Variants in PABPC4L observed in about 807,000 individuals in gnomAD.
The protein encoded by PABPC4L is polyadenylate-binding protein 4-like.
For synonymous variants in PABPC4L, 169 were observed against 164.1 expected, an observed-to-expected ratio of 1.03 and a Z score of -0.23; for missense variants, 452 against 451.4, an observed-to-expected ratio of 1.00 and a Z score of -0.01.
chr4:134,021,674 A>T, the PABPC4L span, among the ~76,000 whole-genome samples: 1 of 152,146 alleles, frequency 6.6e-6, no homozygotes, highest in African/African-American at 2.4e-5. Context: ...TAATCCAAAT[A>T]GTCTGCTCCT....
chr4:134,014,414 C>T, the PABPC4L span, among the ~76,000 whole-genome samples: 3 of 152,300 alleles, frequency 2.0e-5, no homozygotes, highest in South Asian at 2.1e-4. Context: ...GCCAGGTGTT[C>T]CTCCAGAACT....
chr4:134,063,766 A>G, the PABPC4L span, among the ~76,000 whole-genome samples: 1 of 152,086 alleles, frequency 6.6e-6, no homozygotes, highest in Non-Finnish European at 1.5e-5. Context: ...TATAAATACT[A>G]TAACCAGACC....
At chr4:134,193,037 A>C (rs1729555697), downstream of PABPC4L, among the ~76,000 whole-genome samples, 1 of 152,100 alleles carries the variant, frequency 6.6e-6, no homozygotes, top group Admixed American at 6.6e-5. Context: ...TCTAAATAAT[A>C]AAAAATTACC....
chr4:133,975,848 G>A, the PABPC4L span, among the ~76,000 whole-genome samples: 3 of 152,050 alleles, frequency 2.0e-5, no homozygotes, highest in African/African-American at 7.2e-5. Context: ...CTTGAATCCT[G>A]ATATAAAAAT....
the PABPC4L span, among the ~76,000 whole-genome samples, chr4:133,967,899 G>A: frequency 1.3e-5 from 2 of 152,264 alleles, no homozygotes; most frequent in Non-Finnish European, 2.9e-5. Flanking sequence ...TTAGTCTTAT[G>A]AAATATGAAA....
chr4:134,122,184 A>C, the PABPC4L span, among the ~76,000 whole-genome samples: 16 of 151,944 alleles, frequency 1.1e-4, no homozygotes, highest in African/African-American at 3.9e-4. Context: ...AGATTAATTC[A>C]GAAACAGCAA....
At chr4:134,173,987 A>G in the PABPC4L span, among the ~76,000 whole-genome samples, 1 of 152,144 alleles carries the variant, frequency 6.6e-6, no homozygotes, top group African/African-American at 2.4e-5. Flanking sequence ...CACATTGTAC[A>G]GAATATTTAG....
chr4:133,987,540 TA>T, the PABPC4L span, among the ~76,000 whole-genome samples: 1 of 152,186 alleles, frequency 6.6e-6, no homozygotes, highest in South Asian at 2.1e-4. Flanking sequence ...AAAATATAAA[TA>T]AAAATAATAT....
the PABPC4L span, among the ~76,000 whole-genome samples, chr4:134,038,507 T>C: frequency 6.6e-6 from 1 of 152,286 alleles, no homozygotes; most frequent in South Asian, 2.1e-4. Context: ...GAACTTGTTA[T>C]TGGTCTATTT....
At chr4:134,073,091 C>T in the PABPC4L span, among the ~76,000 whole-genome samples, 1 of 152,114 alleles carries the variant, frequency 6.6e-6, no homozygotes, top group African/African-American at 2.4e-5. Flanking sequence ...TCCAACATTC[C>T]CCCAAAGTCT....
the PABPC4L span, among the ~76,000 whole-genome samples, chr4:134,077,895 A>G: frequency 6.6e-6 from 1 of 152,166 alleles, no homozygotes; most frequent in Non-Finnish European, 1.5e-5. Context: ...ATTTATCTTT[A>G]ACTAAATTAC....
chr4:133,951,189 C>G, the PABPC4L span, among the ~76,000 whole-genome samples: 6 of 152,112 alleles, frequency 3.9e-5, no homozygotes, highest in African/African-American at 1.4e-4. Context: ...CCACAAGCAG[C>G]CTTATCTCAT....
At chr4:134,058,907 T>C in the PABPC4L span, among the ~76,000 whole-genome samples, 4 of 152,002 alleles carry the variant, frequency 2.6e-5, no homozygotes, top group Non-Finnish European at 5.9e-5. Flanking sequence ...GTTTAGAGTG[T>C]TAACTGATTT....
chr4:134,041,592 G>A, the PABPC4L span, among the ~76,000 whole-genome samples: 1 of 152,072 alleles, frequency 6.6e-6, no homozygotes. Context: ...TGGGAGGCTG[G>A]GGAAGGGATA....
the PABPC4L span, among the ~76,000 whole-genome samples, chr4:134,189,093 C>T: frequency 6.6e-6 from 1 of 152,166 alleles, no homozygotes; most frequent in African/African-American, 2.4e-5. Context: ...CCATCAAAGG[C>T]ATTCTTCATT....
chr4:134,069,206 G>C, the PABPC4L span, among the ~76,000 whole-genome samples: 1 of 152,090 alleles, frequency 6.6e-6, no homozygotes, highest in Non-Finnish European at 1.5e-5. Context: ...ACCCTGTTAA[G>C]TTTCCCTCTA....
the PABPC4L span, among the ~76,000 whole-genome samples, chr4:134,186,565 G>T: frequency 3.3e-5 from 5 of 152,084 alleles, no homozygotes; most frequent in Non-Finnish European, 5.9e-5. Context: ...AGACTTAAAT[G>T]TTAGACCTAA....
At chr4:134,115,019 CACT>C in the PABPC4L span, among the ~76,000 whole-genome samples, 1 of 151,606 alleles carries the variant, frequency 6.6e-6, no homozygotes, top group African/African-American at 2.4e-5. Flanking sequence ...GGGAATGCAC[CACT>C]GTGTACTCTG....
the PABPC4L span, among the ~76,000 whole-genome samples, chr4:134,046,525 G>A: frequency 6.6e-6 from 1 of 151,640 alleles, no homozygotes; most frequent in East Asian, 2.0e-4. Flanking sequence ...ACTGCAAAGA[G>A]GCCTTCCTCT....
Sources: allele counts gnomAD v4.1 joint callset (sites outside exome capture counted in the v4.1 genomes callset), GRCh38; gene constraint gnomAD v4.1.1; transcripts MANE v1.5; gene names NCBI Gene and HGNC (gene_info 2026-07-23, HGNC 2026-07-21).